FRMD4A: variants seen among roughly 807,000 people sequenced by gnomAD.
FRMD4A encodes FERM domain containing 4A, also known as FERM domain-containing protein 4A.
Under a neutral mutation model 129.1 loss-of-function variants are expected in FRMD4A, and 29 were observed. The observed-to-expected ratio is 0.22, with a 90% CI of 0.17 to 0.31. The LOEUF (loss-of-function observed/expected upper bound fraction) is 0.31. Ranked by LOEUF, FRMD4A falls within the 10% of genes least tolerant of loss-of-function variation. FRMD4A has a pLI of 1.00. For missense variants in FRMD4A, 1,272 were observed against 1,375.8 expected, an observed-to-expected ratio of 0.92 and a Z score of 1.19; for synonymous variants, 634 against 571.6, an observed-to-expected ratio of 1.11 and a Z score of -1.56.
At chr10:14,230,137 G>A (rs1228582062) in intron 2 of FRMD4A, among the ~76,000 whole-genome samples, 2 of 151,668 alleles carry the variant, frequency 1.3e-5, no homozygotes, top group African/African-American at 4.9e-5. Context: ...CACAAGCAAC[G>A]GTGCACACCT....
intron 2 of FRMD4A, chr10:13,891,837 A>T (rs1337742531): frequency 2.8e-6 from 2 of 719,402 alleles, no homozygotes; most frequent in Non-Finnish European, 3.4e-6. Flanking sequence ...TCTCGCGCCG[A>T]GCCTGGCCCG....
intron 2 of FRMD4A, among the ~76,000 whole-genome samples, chr10:14,067,693 C>CGTA (rs1389539370): frequency 6.6e-6 from 1 of 151,304 alleles, no homozygotes; most frequent in African/African-American, 2.4e-5. Context: ...GGTGCATGCC[C>CGTA]GTAGTCCCAG....
chr10:13,651,898 G>T lies in FRMD4A; in HGVS notation c.*2+5C>A. ...GCAGTAGGAACAAAACTCCCCTTAC[G>T]GTACCTCTATTCATCAGTACTTTGG... is the stretch of plus-strand genomic sequence containing the variant. On this transcript the variant is annotated splice_donor_5th_base_variant and intron_variant, in intron 24 of 24. Coordinates refer to ENST00000357447, the MANE Select transcript of FRMD4A (RefSeq NM_018027.5). 6.7e-7 allele frequency: 1 copy of T among 1,489,942 alleles called. No homozygotes were observed. The highest frequency in any genetic ancestry group is 9.4e-7 in the Non-Finnish European group (1 of 1,066,288). The allele number at this position is 1,489,942 out of a possible 1,614,324, so 92.3% of individuals were successfully genotyped here.
chr10:14,119,307 T>C (rs988346444), intron 2 of FRMD4A, among the ~76,000 whole-genome samples: 3 of 152,130 alleles, frequency 2.0e-5, no homozygotes, highest in African/African-American at 7.2e-5. Flanking sequence ...GTTCATATGC[T>C]CAAACAAGCC....
At chr10:14,059,431 T>C (rs1487768988) in intron 2 of FRMD4A, among the ~76,000 whole-genome samples, 1 of 151,810 alleles carries the variant, frequency 6.6e-6, no homozygotes, top group Admixed American at 6.6e-5. Flanking sequence ...ATAGGATTAG[T>C]GTGCTTACAA....
intron 15 of FRMD4A, among the ~76,000 whole-genome samples, chr10:13,680,928 G>C (rs2084521977): frequency 1.3e-5 from 2 of 152,016 alleles, no homozygotes; most frequent in African/African-American, 4.8e-5. Flanking sequence ...AGAGAGGGTG[G>C]TGACTGGAGG....
intron 2 of FRMD4A, among the ~76,000 whole-genome samples, chr10:14,152,253 G>A (rs997949564): frequency 6.2e-5 from 9 of 145,128 alleles, no homozygotes; most frequent in South Asian, 2.3e-4. Context: ...TCAGCCTCCC[G>A]AGTAGCTGGG....
intron 2 of FRMD4A, among the ~76,000 whole-genome samples, chr10:14,052,054 A>G (rs1425961585): frequency 6.6e-6 from 1 of 152,218 alleles, no homozygotes; most frequent in Admixed American, 6.5e-5. Context: ...TCAGAGACAG[A>G]CACAGAGAGA....
chr10:14,238,960 T>C (rs1388658821), intron 2 of FRMD4A, among the ~76,000 whole-genome samples: 1 of 152,232 alleles, frequency 6.6e-6, no homozygotes, highest in African/African-American at 2.4e-5. Context: ...TGGTTCCAAG[T>C]CTCTGCTACT....
At chr10:13,649,586 C>G (rs1019708292) in intron 24 of FRMD4A, 4 of 152,298 alleles carry the variant, frequency 2.6e-5, no homozygotes, top group South Asian at 4.1e-4. Context: ...TTTTTCCAAA[C>G]TTGCGATGTT....
chr10:13,734,117 C>T (rs999357275), intron 12 of FRMD4A, among the ~76,000 whole-genome samples: 1 of 152,210 alleles, frequency 6.6e-6, no homozygotes, highest in Non-Finnish European at 1.5e-5. Context: ...GATCCTGAAG[C>T]CTGGGAGTCA....
chr10:13,972,610 C>G (rs2095524937), intron 2 of FRMD4A, among the ~76,000 whole-genome samples: 1 of 151,952 alleles, frequency 6.6e-6, no homozygotes, highest in Non-Finnish European at 1.5e-5. Flanking sequence ...GTTGGGTAAG[C>G]TACAGGTAGA....
intron 8 of FRMD4A, among the ~76,000 whole-genome samples, chr10:13,758,177 A>G (rs1182340731): frequency 1.3e-5 from 2 of 152,262 alleles, no homozygotes; most frequent in African/African-American, 4.8e-5. Flanking sequence ...AATATCTAGG[A>G]TAATAGTATC....
intron 3 of FRMD4A, among the ~76,000 whole-genome samples, chr10:13,855,850 G>A (rs2094204738): frequency 6.6e-6 from 1 of 151,922 alleles, no homozygotes; most frequent in South Asian, 2.1e-4. Flanking sequence ...ACAGAATTTT[G>A]CAGAGGAGAA....
At position 13,656,683 on chromosome 10, in the gene FRMD4A, G is replaced by A. The variant is rs777992765; in HGVS notation, c.2906C>T (p.Ala969Val). 8.4e-6 allele frequency: 13 copies of A among 1,541,016 alleles called. No individual in the cohort carries two copies. The highest frequency in any genetic ancestry group is 1.2e-5 in the South Asian group (1 of 82,042). ...GGGCATCCTGGTGACCCTGCTGTGC[G>A]CCACGAAGGTGCTCTGGGAGGAGGT... ...YSTSSQSTFV[A>V]HSRVTRMPQM... The change falls in exon 22 of 25, where the codon GCG becomes GTG. Residue 969 changes from alanine (A) to valine (V), a missense_variant. By Grantham distance (64) the Ala-to-Val change is moderately conservative. Transcript: ENST00000357447.
chr10:13,897,646 G>A (rs1414978594), intron 2 of FRMD4A, among the ~76,000 whole-genome samples: 8 of 152,094 alleles, frequency 5.3e-5, no homozygotes, highest in Admixed American at 5.2e-4. Flanking sequence ...AAACATTATA[G>A]GCCTTAGATT....
At chr10:13,812,688 A>G (rs538114824) in intron 3 of FRMD4A, among the ~76,000 whole-genome samples, 3 of 152,312 alleles carry the variant, frequency 2.0e-5, no homozygotes, top group African/African-American at 7.2e-5. Context: ...TGGCAGCCTC[A>G]GGGCCTAGAT....
At chr10:14,319,483 C>A (rs1846891757) in intron 2 of FRMD4A, among the ~76,000 whole-genome samples, 1 of 151,942 alleles carries the variant, frequency 6.6e-6, no homozygotes, top group African/African-American at 2.4e-5. Flanking sequence ...TGAGGAAGTG[C>A]CGTCATCTAA....
intron 12 of FRMD4A, among the ~76,000 whole-genome samples, chr10:13,733,441 G>GTT (rs11427665): frequency 0.013 from 1,880 of 150,132 alleles, 67 homozygotes; most frequent in South Asian, 0.11. Flanking sequence ...CAAAGGCCTG[G>GTT]TTTTTTTTTT....
Sources: gnomAD v4.1 joint callset for allele counts (sites outside exome capture counted in the v4.1 genomes callset) on GRCh38, gnomAD v4.1.1 for gene constraint, MANE v1.5 for transcripts, NCBI Gene and HGNC (gene_info 2026-07-23, HGNC 2026-07-21) for gene names.